NCAPG: variants seen among roughly 807,000 people sequenced by gnomAD.
The protein encoded by NCAPG is condensin complex subunit 3.
NCAPG carries 69 observed loss-of-function variants against 113.1 expected under a neutral mutation model. The ratio of observed to expected loss-of-function variants is 0.61; its 90% CI spans 0.50 to 0.75. The LOEUF (loss-of-function observed/expected upper bound fraction) is 0.75. Ranked by LOEUF, NCAPG falls within the 30% of genes least tolerant of loss-of-function variation. The probability of loss-of-function intolerance (pLI) is 0.00; values close to 1 mark genes in which losing one functional copy is unlikely to be tolerated. For missense variants in NCAPG, 1,058 were observed against 1,177.0 expected, an observed-to-expected ratio of 0.90 and a Z score of 1.48; for synonymous variants, 370 against 415.8, an observed-to-expected ratio of 0.89 and a Z score of 1.34.
intron 7 of NCAPG, among the ~76,000 whole-genome samples, chr4:17,821,700 G>A (rs2109049736): frequency 6.6e-6 from 1 of 152,094 alleles, no homozygotes; most frequent in Middle Eastern, 3.4e-3. Context: ...CTGATGTCAA[G>A]TGATCCTCCC....
intron 7 of NCAPG, among the ~76,000 whole-genome samples, chr4:17,820,557 G>A (rs112371639): frequency 0.12 from 17,593 of 151,950 alleles, 1,134 homozygotes; most frequent in South Asian, 0.24. Flanking sequence ...AGCCGAGATC[G>A]CGCCACTGCA....
At chr4:17,842,033 T>C (rs1560235741) in intron 19 of NCAPG, 1 of 347,986 alleles carries the variant, frequency 2.9e-6, no homozygotes, top group East Asian at 5.8e-5. Flanking sequence ...CTCAAATACA[T>C]TGAACTAAAA....
chr4:17,841,266 G>C (rs1281367807), intron 19 of NCAPG: 1 of 151,916 alleles, frequency 6.6e-6, no homozygotes, highest in Non-Finnish European at 1.5e-5. Flanking sequence ...GAATCAGAAA[G>C]TACATCCAGA....
chr4:17,813,700 CTT>C (rs898236767), intron 3 of NCAPG, among the ~76,000 whole-genome samples: 2 of 151,660 alleles, frequency 1.3e-5, no homozygotes, highest in Non-Finnish European at 2.9e-5. Context: ...TTTGGGGTAT[CTT>C]TTTTTTGAAC....
At chr4:17,820,812 C>T (rs1422465245) in intron 7 of NCAPG, among the ~76,000 whole-genome samples, 1 of 152,120 alleles carries the variant, frequency 6.6e-6, no homozygotes, top group Non-Finnish European at 1.5e-5. Flanking sequence ...GCAGTAGATT[C>T]AATGACTAAG....
intron 20 of NCAPG, chr4:17,843,036 A>C (rs549619399): frequency 4.2e-6 from 1 of 240,142 alleles, no homozygotes; most frequent in East Asian, 7.8e-5. Context: ...AAGCTTCATT[A>C]CAAGTTTGTG....
chr4:17,842,886 G>T, intron 20 of NCAPG: 1 of 162,234 alleles, frequency 6.2e-6, no homozygotes, highest in Non-Finnish European at 1.4e-5. Context: ...GATTAAATTT[G>T]TCTTTTTTGG....
chr4:17,811,126 G>A lies in NCAPG; in HGVS notation c.49G>A (p.Ala17Thr). The A allele has an allele frequency of 6.6e-7, 1 of 1,524,222 alleles. No individual in the cohort carries two copies. The highest frequency in any genetic ancestry group is 8.8e-7 in the Non-Finnish European group (1 of 1,136,114). 94.4% of individuals were successfully genotyped at this position (1,524,222 alleles called of 1,614,324 possible). Reference protein sequence around the residue: ...LLSIKEAFRLAQQPHQNQAKL... With the variant: ...LLSIKEAFRLTQQPHQNQAKL... ...GTCGATTAAGGAGGCCTTTCGGCTG[G>A]CGCAGCAGCCGCACCAGAACCAGGC... Residue 17 changes from alanine to threonine, a missense_variant, in exon 1 of 21, where the codon GCG becomes ACG. By Grantham distance (58) the Ala-to-Thr change is moderately conservative (BLOSUM62 0). Coordinates refer to ENST00000251496, the MANE Select transcript of NCAPG (RefSeq NM_022346.5). The surrounding 1 kb of genome is among the most constrained non-coding windows in gnomAD (Gnocchi z 5.3).
intron 3 of NCAPG, 101 bp downstream of exon 3, chr4:17,813,246 GTAAT>G: frequency 1.1e-6 from 1 of 911,190 alleles, no homozygotes; most frequent in Non-Finnish European, 1.6e-6. Context: ...AAGAGTATAG[GTAAT>G]TAATATATGA....
intron 5 of NCAPG, 113 bp from the exon 6 acceptor site, chr4:17,817,148 A>G (rs1721243788): frequency 1.4e-6 from 1 of 727,682 alleles, no homozygotes; most frequent in African/African-American, 1.8e-5. Context: ...TGTGCCTCTT[A>G]ACCTCTACTA....
At chr4:17,837,506 C>A in intron 15 of NCAPG, 121 bp from the exon 16 acceptor site, 1 of 1,320,554 alleles carries the variant, frequency 7.6e-7, no homozygotes, top group Non-Finnish European at 1.0e-6. Context: ...GAATTTTTGG[C>A]TCTTTCCTAG....
At position 17,818,072 on chromosome 4, in the gene NCAPG, G is replaced by T; in HGVS notation, c.1102G>T (p.Ala368Ser). The T allele has an allele frequency of 6.2e-7, 1 of 1,605,186 alleles. No homozygotes were observed. The highest frequency in any genetic ancestry group is 8.5e-7 in the Non-Finnish European group (1 of 1,177,394). ...GATTTTGCCAGAGCCTGTAGTATAT[G>T]CAGACTATTTATTGAGGTAAATTTT... ...EQILPEPVVY[A>S]DYLLSYIQSI... Residue 368 changes from alanine (A) to serine (S), a missense_variant, in exon 7 of 21, where the codon GCA (alanine) becomes TCA (serine). Ala to Ser is a moderately conservative substitution (Grantham distance 99, BLOSUM62 1). Transcript: ENST00000251496.
At chr4:17,815,152 A>C in intron 4 of NCAPG, 122 bp from the exon 5 acceptor site, 1 of 1,237,996 alleles carries the variant, frequency 8.1e-7, no homozygotes, top group Non-Finnish European at 1.1e-6. Flanking sequence ...TACTGTATTA[A>C]GTATGTTACC....
At chr4:17,825,118 T>C in intron 10 of NCAPG, 61 bp downstream of exon 10, 2 of 1,240,722 alleles carry the variant, frequency 1.6e-6, no homozygotes, top group Non-Finnish European at 2.3e-6. Context: ...AGTCTATTCT[T>C]TCCTCTTGCT....
rs1210672864 is a variant in NCAPG, at chr4:17,817,276, C to A, written c.791C>A (p.Ala264Asp). 6.2e-7 allele frequency: 1 copy of A among 1,613,008 alleles called. No individual in the cohort carries two copies. The highest frequency in any genetic ancestry group is 2.2e-5 in the East Asian group (1 of 44,852). Residue 264 changes from alanine (A) to aspartate (D), a missense_variant, in exon 6 of 21, where the codon GCT becomes GAT. Physicochemically the swap from Ala to Asp is moderately radical, Grantham distance 126. Coordinates refer to ENST00000251496, the MANE Select transcript of NCAPG (RefSeq NM_022346.5). ...LNDRSDAVKQ[A>D]MQKHLLQGWL... ...GACTCAATAGATGCTGTGAAACAAG[C>A]TATGCAGAAGCATCTTCTTCAAGGC...
intron 12 of NCAPG, among the ~76,000 whole-genome samples, chr4:17,830,034 A>G (rs954737712): frequency 1.3e-5 from 2 of 152,236 alleles, no homozygotes; most frequent in Non-Finnish European, 2.9e-5. Flanking sequence ...ATTGTTTAAT[A>G]TGGTAGCTGT....
intron 19 of NCAPG, among the ~76,000 whole-genome samples, chr4:17,840,912 T>C (rs1363258792): frequency 6.6e-6 from 1 of 151,996 alleles, no homozygotes; most frequent in African/African-American, 2.4e-5. Flanking sequence ...GTGCTTTAGA[T>C]TGAAAGAAGT....
chr4:17,828,450 T>C lies in NCAPG; in HGVS notation c.1764+62T>C. The C allele has an allele frequency of 3.3e-6, 3 of 898,522 alleles. No individual in the cohort carries two copies. In the South Asian group the frequency reaches 5.0e-5, roughly 15 times the overall value. The allele number at this position is 898,522 out of a possible 1,614,324, so 55.7% of individuals were successfully genotyped here. ...CTCCTTTCTTATTTTGTAAGTGATA[T>C]GTTCTTTAGAAATCAAAATAATGAA... On this transcript the variant is annotated intron_variant, in intron 12 of 20. Coordinates refer to ENST00000251496, the MANE Select transcript of NCAPG (RefSeq NM_022346.5).
At chr4:17,838,354 A>G (rs1301634805) in intron 16 of NCAPG, among the ~76,000 whole-genome samples, 1 of 152,176 alleles carries the variant, frequency 6.6e-6, no homozygotes, top group African/African-American at 2.4e-5. Flanking sequence ...GTATTACTCT[A>G]TTTTATTTGA....
Sources: allele counts gnomAD v4.1 joint callset (sites outside exome capture counted in the v4.1 genomes callset), GRCh38; gene constraint gnomAD v4.1.1; non-coding constraint Gnocchi (gnomAD v3.1); transcripts MANE v1.5; gene names NCBI Gene and HGNC (gene_info 2026-07-23, HGNC 2026-07-21).